Variants in DCT observed in about 807,000 individuals in gnomAD.
The protein encoded by DCT is L-dopachrome tautomerase.
In DCT, 47 loss-of-function variants were observed where a neutral mutation model predicts 53.0. The observed-to-expected ratio is 0.89, with a 90% CI of 0.70 to 1.13. The LOEUF (loss-of-function observed/expected upper bound fraction) is 1.13, where lower values mean the gene tolerates loss of function less well. Among genes scored for constraint, DCT ranks in the 50% most tolerant of loss-of-function variants. DCT has a pLI of 0.00. For synonymous variants in DCT, 244 were observed against 237.0 expected (o/e 1.03, Z -0.27); for missense variants, 669 against 637.4 (o/e 1.05, Z -0.53).
At chr13:94,446,418 T>C (rs1882739300) in intron 6 of DCT, among the ~76,000 whole-genome samples, 1 of 152,146 alleles carries the variant, frequency 6.6e-6, no homozygotes, top group South Asian at 2.1e-4. Flanking sequence ...ACACTGTACA[T>C]ATAGCCAATG....
the DCT span, among the ~76,000 whole-genome samples, chr13:94,530,252 A>G: frequency 1.3e-5 from 2 of 152,222 alleles, no homozygotes; most frequent in Non-Finnish European, 2.9e-5. Flanking sequence ...TATTTCAATC[A>G]ATAGAAAAAG....
rs1266823024 is a variant in DCT, at chr13:94,436,928, T to C, written c.*2970A>G. 6.6e-6 allele frequency: 1 copy of C among 152,188 alleles called. No homozygotes were observed. Among genetic ancestry groups the C allele is most frequent in the Non-Finnish European group, 1.5e-5 (1 of 68,038 alleles). The allele number at this position is 152,188 out of a possible 1,614,324, so 9.4% of individuals were successfully genotyped here. Reference sequence around the variant, plus strand: ...CTTCAACCTTAGAGTCTCCAACAAATTGACCCATCTTGAAGGCTTATCTGG... The same window carrying C: ...CTTCAACCTTAGAGTCTCCAACAAACTGACCCATCTTGAAGGCTTATCTGG... On this transcript the variant is annotated 3_prime_UTR_variant, in exon 8 of 8. Transcript: ENST00000377028.
the DCT span, among the ~76,000 whole-genome samples, chr13:94,540,510 A>T: frequency 1.3e-5 from 2 of 152,136 alleles, no homozygotes; most frequent in Non-Finnish European, 2.9e-5. Context: ...GTGAATAGAC[A>T]TTTCTCAAAA....
intron 7 of DCT, among the ~76,000 whole-genome samples, chr13:94,440,751 G>A (rs1232751733): frequency 1.4e-5 from 2 of 142,240 alleles, no homozygotes; most frequent in African/African-American, 5.3e-5. Flanking sequence ...CATGATCTCG[G>A]CTCACTGCAA....
At chr13:94,499,284 G>A in the DCT span, among the ~76,000 whole-genome samples, 6 of 152,170 alleles carry the variant, frequency 3.9e-5, no homozygotes, top group East Asian at 5.8e-4. Context: ...GAAGGTCTGC[G>A]GCTTCATTTT....
chr13:94,505,476 C>T, the DCT span, among the ~76,000 whole-genome samples: 10 of 152,244 alleles, frequency 6.6e-5, no homozygotes, highest in Admixed American at 1.3e-4. Flanking sequence ...GCCGAAAGTC[C>T]GTTTGTAGAA....
chr13:94,506,775 G>T, the DCT span, among the ~76,000 whole-genome samples: 1 of 152,062 alleles, frequency 6.6e-6, no homozygotes, highest in African/African-American at 2.4e-5. Flanking sequence ...GTAGGATACC[G>T]CCTTAAACTA....
At chr13:94,481,494 GC>G (rs1885442522), upstream of DCT, among the ~76,000 whole-genome samples, 1 of 152,122 alleles carries the variant, frequency 6.6e-6, no homozygotes, top group South Asian at 2.1e-4. Flanking sequence ...TTTTTGTGAA[GC>G]CTTGGGGCTC....
chr13:94,494,753 T>C, the DCT span, among the ~76,000 whole-genome samples: 1 of 152,224 alleles, frequency 6.6e-6, no homozygotes, highest in African/African-American at 2.4e-5. Flanking sequence ...TAACCACAGC[T>C]TACATGTTGA....
At chr13:94,530,171 A>G in the DCT span, among the ~76,000 whole-genome samples, 1 of 152,216 alleles carries the variant, frequency 6.6e-6, no homozygotes, top group Non-Finnish European at 1.5e-5. Flanking sequence ...AAAACAGTCC[A>G]GGACCAGATG....
At chr13:94,445,885 G>C (rs1317626821) in intron 6 of DCT, 1 of 643,454 alleles carries the variant, frequency 1.6e-6, no homozygotes, top group Non-Finnish European at 2.7e-6. Flanking sequence ...GAGAAACTGT[G>C]GGGGGGCGGG....
In DCT at chr13:94,470,915, T is replaced by C. The variant is rs61964071; in HGVS notation, c.296-1870A>G. On this transcript the variant is annotated intron_variant, in intron 1 of 7. Coordinates refer to ENST00000377028, the MANE Select transcript of DCT (RefSeq NM_001922.5). ...AGGCTGTGAACTCACTGCCTAGGCCTGTGCTTAGCCTTGTTCAAAACAAAT... is the reference window on the plus strand; with the variant it reads ...AGGCTGTGAACTCACTGCCTAGGCCCGTGCTTAGCCTTGTTCAAAACAAAT... Among the ~76,000 whole-genome samples, 692 of 152,380 alleles carry C rather than the reference T, an allele frequency of 4.5e-3. 7 individuals are homozygous for C. The highest frequency in any genetic ancestry group is 7.8e-3 in the Non-Finnish European group (531 of 68,048).
At chr13:94,473,803 T>C (rs1455150654) in intron 1 of DCT, among the ~76,000 whole-genome samples, 2 of 152,236 alleles carry the variant, frequency 1.3e-5, no homozygotes, top group Non-Finnish European at 2.9e-5. Flanking sequence ...GTGTCTGTTT[T>C]GGAGCCCATT....
At chr13:94,508,440 G>A in the DCT span, among the ~76,000 whole-genome samples, 1 of 152,138 alleles carries the variant, frequency 6.6e-6, no homozygotes, top group African/African-American at 2.4e-5. Context: ...TTTTCAATCA[G>A]TTTACTCTGT....
chr13:94,465,470 T>G, intron 4 of DCT, 163 bp downstream of exon 4: 1 of 476,530 alleles, frequency 2.1e-6, no homozygotes, highest in Non-Finnish European at 3.5e-6. Context: ...TAAAGAGCTT[T>G]GAATTTTTGA....
chr13:94,463,947 CA>C (rs1333787525), intron 4 of DCT, among the ~76,000 whole-genome samples: 7 of 152,120 alleles, frequency 4.6e-5, no homozygotes, highest in Non-Finnish European at 1.0e-4. Flanking sequence ...AAAAGAATAC[CA>C]CATTTATCTA....
intron 5 of DCT, among the ~76,000 whole-genome samples, chr13:94,460,775 A>C (rs1170278505): frequency 6.6e-6 from 1 of 152,194 alleles, no homozygotes; most frequent in African/African-American, 2.4e-5. Flanking sequence ...AAAAGAAAAA[A>C]GAAAAAAATT....
At chr13:94,443,955 T>C (rs748833544) in intron 6 of DCT, among the ~76,000 whole-genome samples, 2 of 152,212 alleles carry the variant, frequency 1.3e-5, no homozygotes, top group Non-Finnish European at 2.9e-5. Context: ...GGATTTAACA[T>C]TGGTTGCAGA....
the DCT span, among the ~76,000 whole-genome samples, chr13:94,510,184 G>C: frequency 6.6e-6 from 1 of 152,038 alleles, no homozygotes; most frequent in Non-Finnish European, 1.5e-5. Context: ...TTATGTCTTT[G>C]GCCCTCTTCA....
Sources: gnomAD v4.1 joint callset for allele counts (sites outside exome capture counted in the v4.1 genomes callset) on GRCh38, gnomAD v4.1.1 for gene constraint, MANE v1.5 for transcripts, NCBI Gene and HGNC (gene_info 2026-07-23, HGNC 2026-07-21) for gene names.